The following GLI4 variants were observed in gnomAD, a reference collection of about 807,000 sequenced individuals.
GLI4 encodes the protein GLI family zinc finger 4.
A neutral mutation model predicts 30.9 loss-of-function variants in GLI4; 34 were observed. The ratio of observed to expected loss-of-function variants is 1.10; its 90% CI spans 0.84 to 1.47. GLI4 has a LOEUF of 1.47. Among genes scored for constraint, GLI4 ranks in the 40% most tolerant of loss-of-function variants. The pLI is 0.00. For missense variants in GLI4, 696 were observed against 538.9 expected (o/e 1.29, Z -2.89); for synonymous variants, 277 against 236.7 (o/e 1.17, Z -1.56).
At chr8:143,268,630 G>A (rs529746746) in intron 1 of GLI4, among the ~76,000 whole-genome samples, 84 of 152,314 alleles carry the variant, frequency 5.5e-4, no homozygotes, top group African/African-American at 1.9e-3. Context: ...GGCATGGTTC[G>A]GTTTTCAGCC....
rs760622081 is a variant in GLI4, at chr8:143,276,728, C to G, written c.1055C>G (p.Ala352Gly). ...ACCCACACGGGCGAGAAGCCCTTCG[C>G]GTGTGGCGCCTGCGGCAAGGCCTTC... ...LRTHTGEKPF[A>G]CGACGKAFGQ... Residue 352 changes from alanine to glycine, a missense_variant, in exon 4 of 4, where the codon GCG becomes GGG. Transcript: ENST00000340042. The G allele has an allele frequency of 6.2e-7, 1 of 1,609,342 alleles. No homozygotes were observed.
At position 143,274,684 on chromosome 8, in the gene GLI4, C is replaced by T. The variant is rs952711524; in HGVS notation, c.125-20C>T. The T allele has an allele frequency of 1.9e-6, 3 of 1,539,642 alleles. No homozygotes were observed. The highest frequency in any genetic ancestry group is 1.2e-5 in the South Asian group (1 of 83,950). On this transcript the variant is annotated intron_variant, in intron 2 of 3. Coordinates refer to ENST00000340042, the MANE Select transcript of GLI4 (RefSeq NM_138465.4). ...GTGGTCCAGAGGGTGGAGGTGAGCC[C>T]CAGCCTCCCTGACCCCCAGGCTCCC...
At chr8:143,267,919 C>A in intron 1 of GLI4, 1 of 985,440 alleles carries the variant, frequency 1.0e-6, no homozygotes, top group Non-Finnish European at 1.2e-6. Flanking sequence ...AACAGAGGGG[C>A]AGAGGATGCT....
At chr8:143,268,477 A>C (rs1270735597) in intron 1 of GLI4, among the ~76,000 whole-genome samples, 2 of 152,242 alleles carry the variant, frequency 1.3e-5, no homozygotes, top group African/African-American at 4.8e-5. Context: ...GTGCTGCTGC[A>C]GGGCTGGACT....
At position 143,276,299 on chromosome 8, in the gene GLI4, A is replaced by T. The variant is rs373242673; in HGVS notation, c.626A>T (p.Lys209Met). 1 of 1,611,816 alleles carries T rather than the reference A, an allele frequency of 6.2e-7. No homozygotes were observed. Among genetic ancestry groups the T allele is most frequent in the Non-Finnish European group, 8.5e-7 (1 of 1,179,478 alleles). ...LKHQRIHTGE[K>M]PYACHECGKR... ...CACCAGCGCATCCACACGGGCGAGA[A>T]GCCCTACGCCTGCCACGAGTGCGGC... Residue 209 changes from lysine (K) to methionine (M), a missense_variant, in exon 4 of 4, where the codon AAG becomes ATG. Physicochemically the swap from Lys to Met is moderately conservative, Grantham distance 95. Coordinates refer to ENST00000340042, the MANE Select transcript of GLI4 (RefSeq NM_138465.4).
intron 3 of GLI4, chr8:143,275,453 C>G: frequency 7.3e-7 from 1 of 1,361,560 alleles, no homozygotes; most frequent in Non-Finnish European, 9.4e-7. Context: ...CACTTGCCAC[C>G]GAGGCCTGGG....
At chr8:143,274,433 C>G in intron 2 of GLI4, 1 of 301,612 alleles carries the variant, frequency 3.3e-6, no homozygotes, top group Admixed American at 4.9e-5. Flanking sequence ...CGCTTCAAAG[C>G]TCCCCCAGGT....
At chr8:143,275,339 G>C in intron 3 of GLI4, 1 of 1,420,142 alleles carries the variant, frequency 7.0e-7, no homozygotes, top group Non-Finnish European at 9.2e-7. Context: ...GGGCGGCCCT[G>C]GGGTGGGGAG....
At chr8:143,267,959 C>A (rs1815175343) in intron 1 of GLI4, 3 of 985,306 alleles carry the variant, frequency 3.0e-6, no homozygotes, top group Non-Finnish European at 3.6e-6. Context: ...GAGTGCCCTT[C>A]CCCCTTCAGT....
chr8:143,275,504 C>T (rs1815363920), intron 3 of GLI4: 9 of 1,276,226 alleles, frequency 7.1e-6, no homozygotes, highest in African/African-American at 1.5e-5. Context: ...ACCACATCCT[C>T]GGCAAGGGCT....
In GLI4 at chr8:143,274,746, A is replaced by G. The variant is rs1815346874; in HGVS notation, c.167A>G (p.Asp56Gly). ...CCTAAGGTGCTCTCCCAGCCGTCCG[A>G]CCTGGATCTCCAAGACGTAGAGGAA... is the stretch of plus-strand genomic sequence containing the variant. ...SSPKVLSQPS[D>G]LDLQDVEEVE... Residue 56 changes from aspartate to glycine, a missense_variant, in exon 3 of 4, where the codon GAC becomes GGC. Coordinates refer to ENST00000340042, the MANE Select transcript of GLI4 (RefSeq NM_138465.4). 6 of 1,571,070 alleles carry G rather than the reference A, an allele frequency of 3.8e-6. No homozygotes were observed. The South Asian group carries it at 5.8e-5, about 15-fold the overall frequency.
rs780815700 is a variant in GLI4 at position 143,276,606 on chromosome 8, C to G, written c.933C>G (p.Ile311Met). The G allele has an allele frequency of 7.5e-6, 12 of 1,606,486 alleles. No individual in the cohort carries two copies. The highest frequency in any genetic ancestry group is 1.0e-5 in the Non-Finnish European group (12 of 1,176,962). The change falls in exon 4 of 4, where the codon ATC becomes ATG. Residue 311 changes from isoleucine to methionine, a missense_variant. Transcript: ENST00000340042. ...GKAFIWSSVL[I>M]EHQRIHTGEK... is the part of the protein sequence containing the mutation. ...CCTTCATCTGGAGCTCCGTGCTCAT[C>G]GAGCACCAGCGCATCCACACTGGCG...
In GLI4 at chr8:143,276,833, T is replaced by C; in HGVS notation, c.*29T>C. ...GGCGGGGGCTCGGGGCTCGGCCTCC[T>C]ACCTGCCCCCAACCCACCCTCCACC... On this transcript the variant is annotated 3_prime_UTR_variant, in exon 4 of 4. Coordinates refer to ENST00000340042, the MANE Select transcript of GLI4 (RefSeq NM_138465.4). The C allele has an allele frequency of 7.1e-7, 1 of 1,412,454 alleles. No homozygotes were observed. Among genetic ancestry groups the C allele is most frequent in the East Asian group, 2.4e-5 (1 of 40,974 alleles). 87.5% of individuals were successfully genotyped at this position (1,412,454 alleles called of 1,614,324 possible). A position where few individuals can be genotyped will look rare whatever the true frequency, so the allele number is the denominator to read the frequency against.
chr8:143,272,666 G>T (rs7814324), intron 2 of GLI4, among the ~76,000 whole-genome samples: 4,894 of 152,294 alleles, frequency 0.032, 281 homozygotes, highest in African/African-American at 0.11. Context: ...CAGCCAGCAG[G>T]TGGCAGGTGA....
At chr8:143,267,786 A>T in intron 1 of GLI4, 1 of 985,298 alleles carries the variant, frequency 1.0e-6, no homozygotes, top group Non-Finnish European at 1.2e-6. Context: ...GCAGATGGGA[A>T]ACTGAGGCCC....
chr8:143,270,275 A>G (rs1030726581), intron 2 of GLI4, among the ~76,000 whole-genome samples: 1 of 152,214 alleles, frequency 6.6e-6, no homozygotes, highest in African/African-American at 2.4e-5. Context: ...TGAAGGGACC[A>G]CTGAGGCTTG....
Position 143,275,895 on chromosome 8 carries a change from A to G in GLI4, c.224-2A>G. 1 of 1,289,716 alleles carries G rather than the reference A, an allele frequency of 7.8e-7. No homozygotes were observed. Among genetic ancestry groups the G allele is most frequent in the Non-Finnish European group, 9.8e-7 (1 of 1,016,282 alleles). The allele number at this position is 1,289,716 out of a possible 1,614,324, so 79.9% of individuals were successfully genotyped here. ...ATCCGCCTCTGCCGTTTCTCATTTC[A>G]GACTCCGAGCCCAAGCCGGAGCAGG... On this transcript the variant is annotated splice_acceptor_variant, in intron 3 of 3. Transcript: ENST00000340042. LOFTEE classifies it high-confidence loss of function.
Position 143,274,739 on chromosome 8 carries a change from C to T in GLI4, c.160C>T (p.Pro54Ser). 2 of 1,568,574 alleles carry T rather than the reference C, an allele frequency of 1.3e-6. No homozygotes were observed. The highest frequency in any genetic ancestry group is 1.7e-6 in the Non-Finnish European group (2 of 1,155,162). The change falls in exon 3 of 4, where the codon CCG becomes TCG. Residue 54 changes from proline (P) to serine (S), a missense_variant. Physicochemically the swap from Pro to Ser is moderately conservative, Grantham distance 74 (BLOSUM62 -1). Coordinates refer to ENST00000340042, the MANE Select transcript of GLI4 (RefSeq NM_138465.4). ...PGSSPKVLSQ[P>S]SDLDLQDVEE... Reference sequence around the variant, plus strand: ...CTCCAGCCCTAAGGTGCTCTCCCAGCCGTCCGACCTGGATCTCCAAGACGT... The same window carrying T: ...CTCCAGCCCTAAGGTGCTCTCCCAGTCGTCCGACCTGGATCTCCAAGACGT...
Position 143,276,492 on chromosome 8 carries a change from C to A in GLI4, c.819C>A (p.Gly273=), listed in dbSNP as rs756222804. 1 of 1,613,108 alleles carries A rather than the reference C, an allele frequency of 6.2e-7. No individual in the cohort carries two copies. Among genetic ancestry groups the A allele is most frequent in the Non-Finnish European group, 8.5e-7 (1 of 1,179,852 alleles). Residue 273 remains glycine (G), a synonymous_variant, in exon 4 of 4, where the codon GGC becomes GGA. Coordinates refer to ENST00000340042, the MANE Select transcript of GLI4 (RefSeq NM_138465.4). Reference sequence around the variant, plus strand: ...AGCCCTACAAGTGCGGCGAGTGCGGCCAGGCCTTCAGCCAGAGCTCCAACC... The same window carrying A: ...AGCCCTACAAGTGCGGCGAGTGCGGACAGGCCTTCAGCCAGAGCTCCAACC... ...GEKPYKCGEC[G]QAFSQSSNLV... is the part of the protein sequence containing the mutation.
Sources: gnomAD v4.1 joint callset for allele counts (sites outside exome capture counted in the v4.1 genomes callset) on GRCh38, gnomAD v4.1.1 for gene constraint, MANE v1.5 for transcripts, NCBI Gene and HGNC (gene_info 2026-07-23, HGNC 2026-07-21) for gene names.